The following CLPB variants were observed in gnomAD, a reference collection of about 807,000 sequenced individuals.
CLPB encodes mitochondrial disaggregase.
In CLPB, 40 loss-of-function variants were observed where a neutral mutation model predicts 78.4. That is an observed-to-expected ratio of 0.51 (90% CI 0.40 to 0.66). The LOEUF (loss-of-function observed/expected upper bound fraction) is 0.66, where lower values mean the gene tolerates loss of function less well. Ranked by LOEUF, CLPB falls within the 30% of genes least tolerant of loss-of-function variation. The pLI, the probability that CLPB is intolerant of heterozygous loss-of-function variation, is 0.00. For synonymous variants in CLPB, 333 were observed against 348.0 expected (o/e 0.96, Z 0.48); for missense variants, 780 against 886.9 (o/e 0.88, Z 1.53).
intron 5 of CLPB, among the ~76,000 whole-genome samples, chr11:72,347,618 C>G (rs1950540246): frequency 6.6e-6 from 1 of 152,112 alleles, no homozygotes; most frequent in South Asian, 2.1e-4. Flanking sequence ...CAAGTATTAA[C>G]TATTCAAAAA....
chr11:72,364,524 T>TA lies in CLPB; in HGVS notation c.647-5517dup, dbSNP rs959135506. Among the ~76,000 whole-genome samples the TA allele has an allele frequency of 1.3e-4, 20 of 150,986 alleles. No individual in the cohort carries two copies. In the South Asian group the frequency reaches 2.5e-3, roughly 19 times the overall value. ...GCCCGGCCAAAAAATTTTTTTTTAT[T>TA]AAAAAAAAATATATAGAGAGAGATG... On this transcript the variant is annotated intron_variant, in intron 4 of 15. Transcript: ENST00000538039.
intron 3 of CLPB, among the ~76,000 whole-genome samples, chr11:72,402,012 C>T (rs1254603957): frequency 1.3e-5 from 2 of 152,038 alleles, no homozygotes; most frequent in African/African-American, 4.8e-5. Context: ...CATCCCAACA[C>T]TTTGGTAGGC....
chr11:72,301,329 T>C (rs79345250), intron 11 of CLPB, among the ~76,000 whole-genome samples: 8,697 of 152,210 alleles, frequency 0.057, 343 homozygotes, highest in Non-Finnish European at 0.088. Context: ...ATATTAGCAT[T>C]TTAAAGAACT....
chr11:72,289,698 G>C lies in CLPB; in HGVS notation c.*3669C>G, dbSNP rs932848568. Reference sequence around the variant, plus strand: ...CGATCCTCCTGCCTCAGCCTCCTACGTAGCTAGGATTACAGGAATGCACCA... The same window carrying C: ...CGATCCTCCTGCCTCAGCCTCCTACCTAGCTAGGATTACAGGAATGCACCA... On this transcript the variant is annotated 3_prime_UTR_variant, in exon 16 of 16. Transcript: ENST00000538039. 6.6e-6 allele frequency: 1 copy of C among 152,066 alleles called. No homozygotes were observed. Among genetic ancestry groups the C allele is most frequent in the Non-Finnish European group, 1.5e-5 (1 of 68,024 alleles). 9.4% of individuals were successfully genotyped at this position (152,066 alleles called of 1,614,324 possible).
chr11:72,380,206 C>G, intron 4 of CLPB, 75 bp downstream of exon 4: 1 of 1,126,006 alleles, frequency 8.9e-7, no homozygotes, highest in East Asian at 2.4e-5. Flanking sequence ...GCTGGTAGAG[C>G]TGACACCACA....
intron 11 of CLPB, among the ~76,000 whole-genome samples, chr11:72,299,812 G>C (rs1022809259): frequency 2.0e-5 from 3 of 152,174 alleles, no homozygotes; most frequent in African/African-American, 7.2e-5. Flanking sequence ...CTGGGGCTGG[G>C]GGAAGGGGCG....
intron 9 of CLPB, among the ~76,000 whole-genome samples, chr11:72,305,047 T>C (rs79915705): frequency 0.057 from 8,643 of 152,262 alleles, 312 homozygotes; most frequent in African/African-American, 0.096. Flanking sequence ...AGGAGTTTCA[T>C]AGAAGCACCA....
At chr11:72,310,663 T>C (rs1018955560) in intron 7 of CLPB, among the ~76,000 whole-genome samples, 2 of 152,176 alleles carry the variant, frequency 1.3e-5, no homozygotes, top group East Asian at 1.9e-4. Context: ...CTTCTAAAAG[T>C]TGGCTAAATT....
rs79692759 is a variant in CLPB, at chr11:72,377,097, C to T, written c.646+3184G>A. On this transcript the variant is annotated intron_variant, in intron 4 of 15. Coordinates refer to ENST00000538039, the MANE Select transcript of CLPB (RefSeq NM_001258392.3). Reference sequence around the variant, plus strand: ...GAAAGCGTTATTAGACAGGAAAATACGACAAATGCTAGAAACATTTTAATT... The same window carrying T: ...GAAAGCGTTATTAGACAGGAAAATATGACAAATGCTAGAAACATTTTAATT... Among the ~76,000 whole-genome samples the T allele has an allele frequency of 5.9e-3, 895 of 152,124 alleles. 17 individuals are homozygous for T. Among genetic ancestry groups the T allele is most frequent in the South Asian group, 0.058 (281 of 4,810 alleles).
At chr11:72,308,041 C>T (rs769820580) in intron 8 of CLPB, among the ~76,000 whole-genome samples, 17 of 152,142 alleles carry the variant, frequency 1.1e-4, no homozygotes, top group African/African-American at 2.4e-5. Context: ...AAGAATGCCT[C>T]GGATAATCCA....
At chr11:72,433,420 G>A (rs1205253214) in intron 1 of CLPB, among the ~76,000 whole-genome samples, 18 of 151,998 alleles carry the variant, frequency 1.2e-4, no homozygotes, top group African/African-American at 3.1e-4. Flanking sequence ...CGCACCTGTA[G>A]TCCCAGCTAC....
At chr11:72,430,167 T>A (rs1429491014) in intron 2 of CLPB, 145 bp downstream of exon 2, 4 of 753,708 alleles carry the variant, frequency 5.3e-6, no homozygotes, top group Non-Finnish European at 9.1e-6. Context: ...GAAGCCCAGG[T>A]GACTCTGTGA....
rs1354500934 is a variant in CLPB at position 72,372,974 on chromosome 11, C to G, written c.646+7307G>C. The G allele has an allele frequency of 1.2e-6, 2 of 1,614,150 alleles. No individual in the cohort carries two copies. The highest frequency in any genetic ancestry group is 3.3e-5 in the Admixed American group (2 of 60,016). On this transcript the variant is annotated intron_variant, in intron 4 of 15. Coordinates refer to ENST00000538039, the MANE Select transcript of CLPB (RefSeq NM_001258392.3). ...TCCTGAACTCCAGGGCACTTGTCCA[C>G]TGGTTTGTGATGTGCCGGCTTGCAC...
At chr11:72,425,349 C>T (rs967487317) in intron 2 of CLPB, among the ~76,000 whole-genome samples, 8 of 152,130 alleles carry the variant, frequency 5.3e-5, no homozygotes, top group African/African-American at 1.9e-4. Flanking sequence ...TGAATATGCA[C>T]TCGTAAGTAT....
intron 9 of CLPB, among the ~76,000 whole-genome samples, chr11:72,304,652 T>C (rs963048028): frequency 8.5e-5 from 13 of 152,162 alleles, no homozygotes; most frequent in Non-Finnish European, 1.3e-4. Flanking sequence ...AGAAATCATA[T>C]AAATGTACAA....
At chr11:72,347,222 G>C (rs767595460) in intron 5 of CLPB, among the ~76,000 whole-genome samples, 6 of 152,074 alleles carry the variant, frequency 3.9e-5, no homozygotes, top group Admixed American at 1.3e-4. Context: ...TTTTGATGAG[G>C]AGCAGGATAT....
At chr11:72,432,342 A>C (rs1856570513) in intron 1 of CLPB, among the ~76,000 whole-genome samples, 1 of 152,192 alleles carries the variant, frequency 6.6e-6, no homozygotes, top group African/African-American at 2.4e-5. Context: ...GAAAAAACAA[A>C]AGAGAAGATA....
chr11:72,310,385 T>G (rs1189770555), intron 7 of CLPB, among the ~76,000 whole-genome samples: 1 of 152,132 alleles, frequency 6.6e-6, no homozygotes, highest in Non-Finnish European at 1.5e-5. Context: ...TTGTCTAAAC[T>G]AACTGGCCCA....
chr11:72,406,506 C>G (rs917569518), intron 2 of CLPB, among the ~76,000 whole-genome samples: 4 of 152,240 alleles, frequency 2.6e-5, no homozygotes, highest in African/African-American at 9.6e-5. Context: ...CTTCTGACCT[C>G]TGGGATAATA....
Sources: allele counts gnomAD v4.1 joint callset (sites outside exome capture counted in the v4.1 genomes callset), GRCh38; gene constraint gnomAD v4.1.1; transcripts MANE v1.5; gene names NCBI Gene and HGNC (gene_info 2026-07-23, HGNC 2026-07-21).